The following AANAT variants were observed in gnomAD, a reference collection of about 807,000 sequenced individuals.
AANAT encodes serotonin N-acetyltransferase.
AANAT carries 11 observed loss-of-function variants against 15.6 expected under a neutral mutation model. The ratio of observed to expected loss-of-function variants is 0.71; its 90% CI spans 0.44 to 1.17. AANAT has a LOEUF of 1.17. Among genes scored for constraint, AANAT ranks in the 50% most tolerant of loss-of-function variants. The pLI is 0.00. For missense variants in AANAT, 286 were observed against 296.3 expected (o/e 0.97, Z 0.26); for synonymous variants, 139 against 131.5 (o/e 1.06, Z -0.39).
chr17:76,456,016 A>G (rs1409431728), intron 1 of AANAT, among the ~76,000 whole-genome samples: 3 of 151,362 alleles, frequency 2.0e-5, no homozygotes, highest in African/African-American at 7.3e-5. Flanking sequence ...GCGTCTCAAA[A>G]AAAGAGAGAG....
At position 76,469,527 on chromosome 17, in the gene AANAT, T is replaced by C; in HGVS notation, c.319-138T>C. ...TGGGGTTGGGGGTATGGCTCCCAATTTGGGGCCCTCCTTTGCTGGGGTGGG... is the reference window on the plus strand; with the variant it reads ...TGGGGTTGGGGGTATGGCTCCCAATCTGGGGCCCTCCTTTGCTGGGGTGGG... On this transcript the variant is annotated intron_variant, in intron 3 of 3. Transcript: ENST00000392492. The surrounding 1 kb of genome is among the most constrained non-coding windows in gnomAD (Gnocchi z 5.2). The C allele has an allele frequency of 8.1e-7, 1 of 1,229,900 alleles. No homozygotes were observed. The highest frequency in any genetic ancestry group is 1.1e-6 in the Non-Finnish European group (1 of 914,190). The allele number at this position is 1,229,900 out of a possible 1,614,324, so 76.2% of individuals were successfully genotyped here. A position where few individuals can be genotyped will look rare whatever the true frequency, so the allele number is the denominator to read the frequency against.
At chr17:76,461,648 A>AAATC (rs976531861) in intron 2 of AANAT, among the ~76,000 whole-genome samples, 13 of 150,254 alleles carry the variant, frequency 8.7e-5, no homozygotes, top group East Asian at 1.9e-4. Context: ...AGGAAGGAAG[A>AAATC]AATCAATCAA....
In AANAT at chr17:76,469,239, G is replaced by A. The variant is rs146430405; in HGVS notation, c.230G>A (p.Cys77Tyr). Residue 77 changes from cysteine to tyrosine, a missense_variant, in exon 3 of 4, where the codon TGT (cysteine) becomes TAT (tyrosine). Coordinates refer to ENST00000392492, the MANE Select transcript of AANAT (RefSeq NM_001088.3). This position sits in a 1 kb window ranked among gnomAD's most constrained non-coding sequence, Gnocchi z 5.2. ...GAGATCCGGCACTTCCTGACCCTAT[G>A]TCCAGAGCTGTCCCTGGGCTGGTTC... ...LDEIRHFLTL[C>Y]PELSLGWFEE... 11 of 1,614,192 alleles carry A rather than the reference G, an allele frequency of 6.8e-6. No homozygotes were observed. Among genetic ancestry groups the A allele is most frequent in the South Asian group, 2.2e-5 (2 of 91,088 alleles).
chr17:76,466,363 G>T (rs74936905), upstream of AANAT: 4 of 381,274 alleles, frequency 1.0e-5, no homozygotes, highest in Non-Finnish European at 1.9e-5. Flanking sequence ...GTGCAGAGGG[G>T]CCCTGGGAGA....
At chr17:76,457,226 AGAGACGGG>A (rs777098599) in intron 1 of AANAT, among the ~76,000 whole-genome samples, 2 of 152,112 alleles carry the variant, frequency 1.3e-5, no homozygotes, top group Non-Finnish European at 2.9e-5. Context: ...TATTTTTAGT[AGAGACGGG>A]GTTTACCATG....
At chr17:76,460,985 T>C (rs1299474940) in intron 2 of AANAT, among the ~76,000 whole-genome samples, 1 of 151,730 alleles carries the variant, frequency 6.6e-6, no homozygotes, top group African/African-American at 2.4e-5. Flanking sequence ...GCCAACATGG[T>C]GAAACCCCGT....
chr17:76,463,114 G>T (rs542333297), upstream of AANAT, among the ~76,000 whole-genome samples: 8 of 152,274 alleles, frequency 5.3e-5, no homozygotes, highest in South Asian at 1.7e-3. Context: ...CTCTCCGGGG[G>T]TATCAGCAGC....
rs1231175232 is a variant in AANAT, at chr17:76,468,655, T to C, written c.-75-17T>C. 5 of 1,534,684 alleles carry C rather than the reference T, an allele frequency of 3.3e-6. No individual in the cohort carries two copies. The Admixed American group carries it at 7.9e-5, about 24-fold the overall frequency. On this transcript the variant is annotated splice_polypyrimidine_tract_variant and intron_variant, in intron 1 of 3. Transcript: ENST00000392492. The stretch of plus-strand genomic sequence containing the variant: ...GAGATGAGGATGAGACCCCTGTCCC[T>C]TGCTGTTCTCCAACAGGTGCTGGGA...
At position 76,468,240 on chromosome 17, in the gene AANAT, G is replaced by T. The variant is rs2073460636; in HGVS notation, c.-75-432G>T. 3.9e-5 allele frequency among the ~76,000 whole-genome samples: 6 copies of T among 152,302 alleles called. No homozygotes were observed. In the South Asian group the frequency reaches 1.2e-3, roughly 32 times the overall value. On this transcript the variant is annotated intron_variant, in intron 1 of 3. Transcript: ENST00000392492. The stretch of plus-strand genomic sequence containing the variant: ...AGATAAACCACATGAATGGTGGTGT[G>T]GGGGAACCGGGCGCCCACCCACTGC...
chr17:76,466,081 G>A, upstream of AANAT: 1 of 1,121,172 alleles, frequency 8.9e-7, no homozygotes, highest in South Asian at 1.3e-5. Flanking sequence ...ACAGGGCCAT[G>A]TGGAAGTCAG....
intron 1 of AANAT, among the ~76,000 whole-genome samples, chr17:76,456,007 C>T (rs760046987): frequency 3.3e-5 from 5 of 150,914 alleles, no homozygotes; most frequent in Admixed American, 1.3e-4. Context: ...AGCGAGACTG[C>T]GTCTCAAAAA....
chr17:76,456,515 G>C (rs1187451004), intron 1 of AANAT, among the ~76,000 whole-genome samples: 1 of 152,256 alleles, frequency 6.6e-6, no homozygotes, highest in African/African-American at 2.4e-5. Flanking sequence ...TCAGCTGAAG[G>C]GGGAGTTAGG....
rs2073455281 is a variant in AANAT, at chr17:76,467,730, A to G, written c.-76+3A>G. On this transcript the variant is annotated splice_donor_region_variant and intron_variant, in intron 1 of 3. Coordinates refer to ENST00000392492, the MANE Select transcript of AANAT (RefSeq NM_001088.3). Reference sequence around the variant, plus strand: ...TGGGTATCCTCTCCACAGTCCAGGTAGGTGGGACCCCCACTCCTGGCTCTC... The same window carrying G: ...TGGGTATCCTCTCCACAGTCCAGGTGGGTGGGACCCCCACTCCTGGCTCTC... 1.0e-6 allele frequency: 1 copy of G among 985,446 alleles called. No individual in the cohort carries two copies. Among genetic ancestry groups the G allele is most frequent in the South Asian group, 4.7e-5 (1 of 21,288 alleles). 61.0% of individuals were successfully genotyped at this position (985,446 alleles called of 1,614,324 possible).
In AANAT at chr17:76,469,376, G is replaced by C. The variant is rs746421234; in HGVS notation, c.318+49G>C. On this transcript the variant is annotated intron_variant, in intron 3 of 3. Transcript: ENST00000392492. This position sits in a 1 kb window ranked among gnomAD's most constrained non-coding sequence, Gnocchi z 5.2. ...AGCTCCAGGGAGGCCTCTGAAGACA[G>C]AGGTCAGCCAGATGGCGGGGAGGGG... The C allele has an allele frequency of 1.9e-6, 3 of 1,607,470 alleles. No individual in the cohort carries two copies. Among genetic ancestry groups the C allele is most frequent in the South Asian group, 1.1e-5 (1 of 90,756 alleles).
upstream of AANAT, among the ~76,000 whole-genome samples, chr17:76,463,398 C>T (rs1055447624): frequency 5.3e-5 from 8 of 149,810 alleles, no homozygotes; most frequent in African/African-American, 7.4e-5. Context: ...ACCTCTGCCT[C>T]CTGGGTTCCA....
intron 2 of AANAT, among the ~76,000 whole-genome samples, chr17:76,461,321 G>A (rs1043002572): frequency 1.1e-4 from 16 of 152,110 alleles, no homozygotes; most frequent in South Asian, 4.1e-4. Flanking sequence ...AGTGGATGCT[G>A]TGGTGCACCT....
intron 1 of AANAT, among the ~76,000 whole-genome samples, chr17:76,454,494 A>C (rs995092770): frequency 6.6e-6 from 1 of 151,458 alleles, no homozygotes; most frequent in Non-Finnish European, 1.5e-5. Flanking sequence ...CAAAAAAATA[A>C]ATAAATAAAA....
In AANAT at chr17:76,457,253, G is replaced by A. The variant is rs530362466; in HGVS notation, c.-575-1994G>A. ...AGACGGGGTTTACCATGTTGGCCAG[G>A]CTGGTCTCGAACTCCTGACCTCAAA... On this transcript the variant is annotated intron_variant, in intron 1 of 6. Transcript: ENST00000250615. Among the ~76,000 whole-genome samples, 4 of 152,174 alleles carry A rather than the reference G, an allele frequency of 2.6e-5. No homozygotes were observed. The South Asian group carries it at 8.3e-4, about 32-fold the overall frequency.
chr17:76,454,304 A>G (rs1468717693), intron 1 of AANAT, among the ~76,000 whole-genome samples: 2 of 145,880 alleles, frequency 1.4e-5, no homozygotes, highest in African/African-American at 5.1e-5. Flanking sequence ...GCGAAACCCC[A>G]TCTCTACTAA....
Sources: gnomAD v4.1 joint callset for allele counts (sites outside exome capture counted in the v4.1 genomes callset) on GRCh38, gnomAD v4.1.1 for gene constraint, Gnocchi (gnomAD v3.1) non-coding constraint, MANE v1.5 for transcripts, NCBI Gene and HGNC (gene_info 2026-07-23, HGNC 2026-07-21) for gene names.